JAM3: variants seen among roughly 807,000 people sequenced by gnomAD.
JAM3 encodes junctional adhesion molecule C.
JAM3 carries 31 observed loss-of-function variants against 39.4 expected under a neutral mutation model. The ratio of observed to expected loss-of-function variants is 0.79; its 90% confidence interval spans 0.59 to 1.06. The LOEUF is 1.06. JAM3 is among the 50% of genes least tolerant of loss of function. JAM3 has a pLI of 0.00. For synonymous variants in JAM3, 182 were observed against 148.7 expected, an observed-to-expected ratio of 1.22 and a Z score of -1.63; for missense variants, 455 against 391.4, an observed-to-expected ratio of 1.16 and a Z score of -1.37.
chr11:134,124,657 T>C (rs1269715019), intron 1 of JAM3, among the ~76,000 whole-genome samples: 2 of 151,714 alleles, frequency 1.3e-5, no homozygotes, highest in Non-Finnish European at 2.9e-5. Context: ...GTAGGTCGCT[T>C]TCCACTTGTT....
At chr11:134,110,461 A>G (rs1333868633) in intron 1 of JAM3, among the ~76,000 whole-genome samples, 1 of 152,262 alleles carries the variant, frequency 6.6e-6, no homozygotes, top group Non-Finnish European at 1.5e-5. Context: ...CTATTCAGCA[A>G]TAAAAACTAA....
At chr11:134,134,398 CAAAAAAAAAAAAA>C (rs34729848) in intron 1 of JAM3, among the ~76,000 whole-genome samples, 1 of 31,922 alleles carries the variant, frequency 3.1e-5, no homozygotes, top group Admixed American at 4.7e-4. Context: ...GGATAAATGC[CAAAAAAAAAAAAA>C]AAAAAAAAAA....
rs1942755464 is a variant in JAM3 at position 134,130,813 on chromosome 11, G to C, written c.77-9038G>C. Among the ~76,000 whole-genome samples, 3 of 152,198 alleles carry C rather than the reference G, an allele frequency of 2.0e-5. No individual in the cohort carries two copies. In the South Asian group the frequency reaches 6.2e-4, roughly 32 times the overall value. ...CAAATTAATGTGTATGTCTATTCCA[G>C]CCTTTCTGGGGGATACCTGAAGGCC... On this transcript the variant is annotated intron_variant, in intron 1 of 8. Coordinates refer to ENST00000299106, the MANE Select transcript of JAM3 (RefSeq NM_032801.5).
chr11:134,145,954 T>C lies in JAM3; in HGVS notation c.621T>C (p.Thr207=), dbSNP rs762053520. Residue 207 remains threonine, a synonymous_variant, in exon 6 of 9, where the codon ACT becomes ACC. Coordinates refer to ENST00000299106, the MANE Select transcript of JAM3 (RefSeq NM_032801.5). Reference sequence around the variant, plus strand: ...GTCATTCCCTGAAACAGGTGTTCACTGCTGTTCACAAGGACGACTCTGGGC... The same window carrying C: ...GTCATTCCCTGAAACAGGTGTTCACCGCTGTTCACAAGGACGACTCTGGGC... ...LNSETGTLVF[T]AVHKDDSGQY... is the part of the protein sequence containing the mutation. The C allele has an allele frequency of 1.2e-6, 2 of 1,611,878 alleles. No individual in the cohort carries two copies. The highest frequency in any genetic ancestry group is 1.7e-5 in the Admixed American group (1 of 60,030).
At chr11:134,079,168 C>T (rs538566808) in intron 1 of JAM3, among the ~76,000 whole-genome samples, 6 of 152,128 alleles carry the variant, frequency 3.9e-5, no homozygotes, top group South Asian at 2.1e-4. Context: ...TTAAGGATGG[C>T]GCTCTGTTAT....
chr11:134,089,453 C>A (rs577982477), intron 1 of JAM3, among the ~76,000 whole-genome samples: 35 of 152,088 alleles, frequency 2.3e-4, no homozygotes, highest in Non-Finnish European at 2.2e-4. Context: ...AAATGCTATC[C>A]CCCCATCCCT....
intron 1 of JAM3, among the ~76,000 whole-genome samples, chr11:134,083,669 AAC>A (rs1416652764): frequency 1.3e-5 from 2 of 152,286 alleles, no homozygotes; most frequent in East Asian, 3.9e-4. Flanking sequence ...ATTAAAAAAA[AAC>A]ACCAAAAAAC....
rs758229976 is a variant in JAM3, at chr11:134,069,162, G to A, written c.76+3G>A. 7 of 1,612,622 alleles carry A rather than the reference G, an allele frequency of 4.3e-6. No homozygotes were observed. Among genetic ancestry groups the A allele is most frequent in the Non-Finnish European group, 5.9e-6 (7 of 1,179,276 alleles). ...CTTCCTGCTGCTGCTTTTCAGGGGT[G>A]AGTTTGCGCGTTTCCGCTGTTGGGA... On this transcript the variant is annotated splice_donor_region_variant and intron_variant, in intron 1 of 8. Transcript: ENST00000299106.
chr11:134,131,003 G>A (rs377665819), intron 1 of JAM3, among the ~76,000 whole-genome samples: 6 of 152,098 alleles, frequency 3.9e-5, no homozygotes, highest in African/African-American at 1.4e-4. Context: ...GGAGAAACTG[G>A]GTGAGATTCT....
chr11:134,147,899 G>A (rs2120377719), intron 6 of JAM3: 1 of 154,204 alleles, frequency 6.5e-6, no homozygotes, highest in Admixed American at 6.4e-5. Flanking sequence ...TCCCTGCATA[G>A]TTTTCCATGT....
At chr11:134,083,336 C>A (rs908136477) in intron 1 of JAM3, among the ~76,000 whole-genome samples, 3 of 152,066 alleles carry the variant, frequency 2.0e-5, no homozygotes, top group African/African-American at 7.2e-5. Context: ...CCAACACAGG[C>A]AATAGTGGTG....
intron 1 of JAM3, among the ~76,000 whole-genome samples, chr11:134,082,477 G>A (rs558858802): frequency 2.6e-5 from 4 of 152,146 alleles, no homozygotes; most frequent in Non-Finnish European, 4.4e-5. Flanking sequence ...GGGGGGAACC[G>A]ATGGGAGATA....
intron 1 of JAM3, among the ~76,000 whole-genome samples, chr11:134,137,536 G>A (rs1942889531): frequency 6.6e-6 from 1 of 152,240 alleles, no homozygotes; most frequent in South Asian, 2.1e-4. Flanking sequence ...GTCCTTGATG[G>A]TCTTTGGGCC....
At chr11:134,096,677 A>C (rs918047056) in intron 1 of JAM3, among the ~76,000 whole-genome samples, 2 of 152,170 alleles carry the variant, frequency 1.3e-5, no homozygotes, top group African/African-American at 2.4e-5. Flanking sequence ...CCTGCAAGCA[A>C]GGAATGGTTT....
intron 7 of JAM3, 43 bp downstream of exon 7, chr11:134,148,719 A>G (rs745941185): frequency 1.2e-6 from 2 of 1,614,164 alleles, no homozygotes; most frequent in South Asian, 2.2e-5. Flanking sequence ...CAAGCTGGCA[A>G]TAATATAACA....
intron 1 of JAM3, among the ~76,000 whole-genome samples, chr11:134,110,984 G>A (rs1257073684): frequency 1.3e-5 from 2 of 151,930 alleles, no homozygotes; most frequent in Non-Finnish European, 2.9e-5. Flanking sequence ...ACTGGACATA[G>A]ATATGGAGGT....
intron 1 of JAM3, among the ~76,000 whole-genome samples, chr11:134,099,541 C>G (rs1942038514): frequency 6.6e-6 from 1 of 152,172 alleles, no homozygotes; most frequent in Non-Finnish European, 1.5e-5. Context: ...GCAAGTTGTG[C>G]TGTACTTGAT....
intron 1 of JAM3, among the ~76,000 whole-genome samples, chr11:134,110,729 G>A (rs1006232118): frequency 7.0e-6 from 1 of 142,314 alleles, no homozygotes; most frequent in African/African-American, 2.8e-5. Flanking sequence ...TAGAAACCTG[G>A]GAGTTGCTGG....
Position 134,144,980 on chromosome 11 carries a change from G to C in JAM3, c.598G>C (p.Glu200Gln), listed in dbSNP as rs768097901. The change falls in exon 5 of 9, where the codon GAA (glutamate) becomes CAA (glutamine). Residue 200 changes from glutamate to glutamine, a missense_variant. Transcript: ENST00000299106. Reference sequence around the variant, plus strand: ...CAATTCTTCTTTCCACTTAAACTCTGAAACAGGCACTTTGGTAAGATCTCT... The same window carrying C: ...CAATTCTTCTTTCCACTTAAACTCTCAAACAGGCACTTTGGTAAGATCTCT... ...FRNSSFHLNSETGTLVFTAVH... is the reference protein window; with the variant it reads ...FRNSSFHLNSQTGTLVFTAVH... 36 of 1,613,502 alleles carry C rather than the reference G, an allele frequency of 2.2e-5. No homozygotes were observed. Among genetic ancestry groups the C allele is most frequent in the Non-Finnish European group, 3.0e-5 (35 of 1,179,516 alleles).
Sources: gnomAD v4.1 joint callset for allele counts (sites outside exome capture counted in the v4.1 genomes callset) on GRCh38, gnomAD v4.1.1 for gene constraint, MANE v1.5 for transcripts, NCBI Gene and HGNC (gene_info 2026-07-23, HGNC 2026-07-21) for gene names.